UTRN: variants seen among roughly 807,000 people sequenced by gnomAD.
UTRN encodes the protein utrophin, also known as dystrophin-related protein 1.
Under a neutral mutation model 463.9 loss-of-function variants are expected in UTRN, and 283 were observed. That is an observed-to-expected ratio of 0.61 (90% CI 0.55 to 0.67). The LOEUF (loss-of-function observed/expected upper bound fraction) is 0.67. Among genes scored for constraint, UTRN ranks in the 30% least tolerant of loss-of-function variants. The pLI, the probability that UTRN is intolerant of heterozygous loss-of-function variation, is 0.00. For synonymous variants in UTRN, 1,442 were observed against 1,431.5 expected (o/e 1.01, Z -0.17); for missense variants, 3,922 against 4,084.3 (o/e 0.96, Z 1.08).
chr6:144,409,596 CAA>C (rs1315382473), intron 3 of UTRN, among the ~76,000 whole-genome samples: 1 of 152,028 alleles, frequency 6.6e-6, no homozygotes, highest in Admixed American at 6.6e-5. Context: ...AGTAAGGTAT[CAA>C]GAGGGGATTG....
At chr6:144,821,760 G>A (rs973133929) in intron 66 of UTRN, among the ~76,000 whole-genome samples, 3 of 152,092 alleles carry the variant, frequency 2.0e-5, no homozygotes, top group Non-Finnish European at 2.9e-5. Flanking sequence ...AAACAATTAT[G>A]TGTTAAGATC....
intron 61 of UTRN, among the ~76,000 whole-genome samples, chr6:144,786,102 A>T (rs1562908469): frequency 6.6e-6 from 1 of 152,328 alleles, no homozygotes; most frequent in East Asian, 1.9e-4. Flanking sequence ...TCAGGAGACT[A>T]AATATGTCAA....
chr6:144,448,506 A>G, intron 16 of UTRN, 94 bp from the exon 17 acceptor site: 6 of 1,370,610 alleles, frequency 4.4e-6, no homozygotes, highest in Non-Finnish European at 6.1e-6. Context: ...TAACCATTAA[A>G]TTGTGTATTT....
At chr6:144,736,496 T>C (rs1789413736) in intron 54 of UTRN, among the ~76,000 whole-genome samples, 2 of 152,226 alleles carry the variant, frequency 1.3e-5, no homozygotes, top group South Asian at 4.1e-4. Context: ...AATTATCTTA[T>C]ACTGTTGTAT....
chr6:144,409,270 T>C (rs1358153625), intron 3 of UTRN, among the ~76,000 whole-genome samples: 2 of 152,196 alleles, frequency 1.3e-5, no homozygotes, highest in Non-Finnish European at 2.9e-5. Context: ...TGGTTAAAAC[T>C]AAAAACAAAT....
chr6:144,751,267 A>G (rs9497069), intron 55 of UTRN, among the ~76,000 whole-genome samples: 339 of 152,360 alleles, frequency 2.2e-3, no homozygotes, highest in African/African-American at 7.9e-3. Flanking sequence ...ATAATGGCAT[A>G]CATTTTCCAG....
At chr6:144,495,526 T>C (rs1468493046) in intron 33 of UTRN, among the ~76,000 whole-genome samples, 2 of 152,136 alleles carry the variant, frequency 1.3e-5, no homozygotes, top group Admixed American at 1.3e-4. Context: ...CGCCTCTCCC[T>C]CCACACCTCC....
chr6:144,310,337 G>A (rs534532785), intron 2 of UTRN, among the ~76,000 whole-genome samples: 1 of 152,274 alleles, frequency 6.6e-6, no homozygotes, highest in African/African-American at 2.4e-5. Context: ...GGGAGTTGGA[G>A]ACCAGCCTGG....
chr6:144,797,686 T>C lies in UTRN; in HGVS notation c.9079-138T>C, dbSNP rs993552834. On this transcript the variant is annotated intron_variant, in intron 63 of 74. Coordinates refer to ENST00000367545, the MANE Select transcript of UTRN (RefSeq NM_007124.3). ...TCTTGACTTGAAGAACCTTAAAGCA[T>C]TGTGACTTAACTGACATGGAAAGAG... is the stretch of plus-strand genomic sequence containing the variant. 10 of 852,162 alleles carry C rather than the reference T, an allele frequency of 1.2e-5. No homozygotes were observed. In the Admixed American group the frequency reaches 2.0e-4, roughly 17 times the overall value. The allele number at this position is 852,162 out of a possible 1,614,324, so 52.8% of individuals were successfully genotyped here. A position where few individuals can be genotyped will look rare whatever the true frequency, so the allele number is the denominator to read the frequency against.
intron 65 of UTRN, among the ~76,000 whole-genome samples, chr6:144,819,286 A>G (rs1159326880): frequency 1.3e-5 from 2 of 152,222 alleles, no homozygotes; most frequent in Admixed American, 1.3e-4. Context: ...TTAATTATTG[A>G]CTAGAAGCAG....
chr6:144,379,986 T>C (rs962685843), intron 2 of UTRN, among the ~76,000 whole-genome samples: 1 of 152,230 alleles, frequency 6.6e-6, no homozygotes. Context: ...TGTTCTATTC[T>C]GTGGAAGCCT....
At chr6:144,440,256 C>T (rs1417309530) in intron 12 of UTRN, 96 bp from the exon 13 acceptor site, 2 of 1,276,246 alleles carry the variant, frequency 1.6e-6, no homozygotes, top group South Asian at 1.3e-5. Flanking sequence ...TATGATGCCT[C>T]ATTAACTGTC....
At chr6:144,335,573 C>T (rs1156689778) in intron 2 of UTRN, among the ~76,000 whole-genome samples, 1 of 152,210 alleles carries the variant, frequency 6.6e-6, no homozygotes, top group African/African-American at 2.4e-5. Flanking sequence ...TAGCACTTGC[C>T]TTGCCTGGCC....
chr6:144,725,985 G>T (rs565449414), intron 53 of UTRN, among the ~76,000 whole-genome samples: 2 of 151,964 alleles, frequency 1.3e-5, no homozygotes, highest in African/African-American at 2.4e-5. Context: ...AAAGGAGTTC[G>T]CGAGACATTC....
rs902147990 is a variant in UTRN, at chr6:144,440,596, A to G, written c.1512+125A>G. On this transcript the variant is annotated intron_variant, in intron 13 of 74. Coordinates refer to ENST00000367545, the MANE Select transcript of UTRN (RefSeq NM_007124.3). Reference sequence around the variant, plus strand: ...AGAAGGGTAGAAAAACCTACCTTTGATTGTACTTCTCAGTTGGGGTTCTAC... The same window carrying G: ...AGAAGGGTAGAAAAACCTACCTTTGGTTGTACTTCTCAGTTGGGGTTCTAC... The G allele has an allele frequency of 3.1e-6, 4 of 1,282,926 alleles. No individual in the cohort carries two copies. In the East Asian group the frequency reaches 7.1e-5, roughly 23 times the overall value. 79.5% of individuals were successfully genotyped at this position (1,282,926 alleles called of 1,614,324 possible).
Position 144,493,376 on chromosome 6 carries a change from A to G in UTRN, c.4513A>G (p.Lys1505Glu). Residue 1505 changes from lysine (K) to glutamate (E), a missense_variant, in exon 33 of 75, where the codon AAA (lysine) becomes GAA (glutamate). Lys to Glu is a moderately conservative substitution (Grantham distance 56, BLOSUM62 1). This residue lies in a region of UTRN where 2,349 missense variants were observed against 2,303.8 expected (regional missense o/e 1.02). Coordinates refer to ENST00000367545, the MANE Select transcript of UTRN (RefSeq NM_007124.3). ...TAAAACAGGAAGACATATTGTCCAGAAACAGCAAACGGACAACCCAAAAGG... is the reference window on the plus strand; with the variant it reads ...TAAAACAGGAAGACATATTGTCCAGGAACAGCAAACGGACAACCCAAAAGG... ...VIKTGRHIVQ[K>E]QQTDNPKGMD... 1 of 1,614,142 alleles carries G rather than the reference A, an allele frequency of 6.2e-7. No individual in the cohort carries two copies. The highest frequency in any genetic ancestry group is 2.2e-5 in the East Asian group (1 of 44,884).
intron 34 of UTRN, among the ~76,000 whole-genome samples, chr6:144,499,912 A>G (rs575894154): frequency 1.3e-5 from 2 of 152,328 alleles, no homozygotes; most frequent in South Asian, 4.1e-4. Flanking sequence ...AATGGCCTCC[A>G]GCTGCAACCA....
rs1482596592 is a variant in UTRN at position 144,447,243 on chromosome 6, A to G, written c.1647A>G (p.Glu549=). ...TGAAAGCTTGGTTAACCGAAAAAGA[A>G]GAGGCTTTAAATAAAGTCCAGACAA... The part of the protein sequence containing the change: ...CLLKAWLTEK[E]EALNKVQTSN... The change falls in exon 15 of 75, where the codon GAA becomes GAG. Residue 549 remains glutamate (E), a synonymous_variant. Coordinates refer to ENST00000367545, the MANE Select transcript of UTRN (RefSeq NM_007124.3). 3 of 1,613,932 alleles carry G rather than the reference A, an allele frequency of 1.9e-6. No individual in the cohort carries two copies. The highest frequency in any genetic ancestry group is 2.2e-5 in the South Asian group (2 of 91,076).
At chr6:144,843,894 T>C (rs1035601610) in intron 73 of UTRN, among the ~76,000 whole-genome samples, 11 of 152,352 alleles carry the variant, frequency 7.2e-5, no homozygotes, top group African/African-American at 2.6e-4. Context: ...CATGTTTTCA[T>C]AGTGTTAACT....
Sources: gnomAD v4.1 joint callset for allele counts (sites outside exome capture counted in the v4.1 genomes callset) on GRCh38, gnomAD v4.1.1 for gene constraint, gnomAD v4.1.1 regional missense constraint, MANE v1.5 for transcripts, NCBI Gene and HGNC (gene_info 2026-07-23, HGNC 2026-07-21) for gene names.